The following BIRC6 variants were observed in gnomAD, a reference collection of about 807,000 sequenced individuals.
BIRC6 encodes baculoviral IAP repeat containing 6.
A neutral mutation model predicts 503.3 loss-of-function variants in BIRC6; 98 were observed. The ratio of observed to expected loss-of-function variants is 0.19; its 90% confidence interval spans 0.17 to 0.23. The LOEUF (loss-of-function observed/expected upper bound fraction) is 0.23. BIRC6 is among the 10% of genes least tolerant of loss of function. The probability of loss-of-function intolerance (pLI) is 1.00; values close to 1 mark genes in which losing one functional copy is unlikely to be tolerated. For missense variants in BIRC6, 5,360 were observed against 5,806.0 expected (o/e 0.92, Z 2.50); for synonymous variants, 2,240 against 2,078.7 (o/e 1.08, Z -2.11).
chr2:32,364,310 C>T (rs547421181), intron 1 of BIRC6, among the ~76,000 whole-genome samples: 2 of 152,164 alleles, frequency 1.3e-5, no homozygotes, highest in East Asian at 3.9e-4. Context: ...GGCTGGAGTG[C>T]AATGGCGCAG....
At chr2:32,558,875 C>T (rs1323835446) in intron 65 of BIRC6, 1 of 152,198 alleles carries the variant, frequency 6.6e-6, no homozygotes, top group Non-Finnish European at 1.5e-5. Flanking sequence ...TTGCTAGCCT[C>T]TGCAAGTAAG....
At chr2:32,489,442 A>G (rs1446988836) in intron 42 of BIRC6, among the ~76,000 whole-genome samples, 3 of 151,862 alleles carry the variant, frequency 2.0e-5, no homozygotes, top group East Asian at 3.9e-4. Context: ...TATTATTATA[A>G]TAAAATTTGT....
At position 32,439,706 on chromosome 2, in the gene BIRC6, A is replaced by G. The variant is rs752504921; in HGVS notation, c.3810+20A>G. 3 of 1,598,884 alleles carry G rather than the reference A, an allele frequency of 1.9e-6. No homozygotes were observed. Among genetic ancestry groups the G allele is most frequent in the Non-Finnish European group, 2.6e-6 (3 of 1,167,206 alleles). On this transcript the variant is annotated intron_variant, in intron 16 of 73. Transcript: ENST00000421745. ...GGCAAGGTATGAAACTGTCATTTTG[A>G]ACAATAACAATACAGTTTTAAACAT...
chr2:32,402,507 A>G (rs571221470), intron 8 of BIRC6, among the ~76,000 whole-genome samples: 1 of 152,354 alleles, frequency 6.6e-6, no homozygotes, highest in African/African-American at 2.4e-5. Flanking sequence ...CCTTTCATTA[A>G]GGAATAATGT....
At chr2:32,387,531 T>G (rs959684554) in intron 3 of BIRC6, among the ~76,000 whole-genome samples, 1 of 152,178 alleles carries the variant, frequency 6.6e-6, no homozygotes, top group Non-Finnish European at 1.5e-5. Flanking sequence ...CAGTAATTGT[T>G]GTAATATTAA....
chr2:32,372,703 G>A (rs965401711), intron 1 of BIRC6, among the ~76,000 whole-genome samples: 1 of 152,012 alleles, frequency 6.6e-6, no homozygotes, highest in East Asian at 1.9e-4. Context: ...CATGGTGTGC[G>A]CCTGTAGTCC....
At chr2:32,490,206 T>C in intron 43 of BIRC6, 55 bp downstream of exon 43, 1 of 1,395,348 alleles carries the variant, frequency 7.2e-7, no homozygotes, top group South Asian at 1.2e-5. Flanking sequence ...AGTGTTCTAC[T>C]ATTGGATTCT....
At chr2:32,379,606 G>C (rs946900433) in intron 2 of BIRC6, 1 of 152,082 alleles carries the variant, frequency 6.6e-6, no homozygotes, top group African/African-American at 2.4e-5. Flanking sequence ...TACTGCATCA[G>C]ATTAGTTTGT....
chr2:32,415,504 C>T lies in BIRC6; in HGVS notation c.2213C>T (p.Pro738Leu), dbSNP rs1574050792. The change falls in exon 10 of 74, where the codon CCT becomes CTT. Residue 738 changes from proline (P) to leucine (L), a missense_variant. By Grantham distance (98) the Pro-to-Leu change is moderately conservative. This residue lies in a region of BIRC6 where 700 missense variants were observed against 739.3 expected (regional missense o/e 0.95). Transcript: ENST00000421745. ...EENLCIDSITPCADGIHLLVG... is the reference protein window; with the variant it reads ...EENLCIDSITLCADGIHLLVG... ...AATCTTTGTATAGACTCAATAACTC[C>T]TTGTGCTGACGGAATTCATTTGTTG... is the stretch of plus-strand genomic sequence containing the variant. The T allele has an allele frequency of 1.2e-6, 2 of 1,614,044 alleles. No individual in the cohort carries two copies. The highest frequency in any genetic ancestry group is 1.7e-6 in the Non-Finnish European group (2 of 1,179,910).
chr2:32,472,065 A>G (rs1444164110), intron 32 of BIRC6, among the ~76,000 whole-genome samples: 1 of 152,238 alleles, frequency 6.6e-6, no homozygotes, highest in Non-Finnish European at 1.5e-5. Context: ...TAACATAAAT[A>G]AAACTACATT....
Position 32,487,565 on chromosome 2 carries a change from A to G in BIRC6, c.7814-82A>G, listed in dbSNP as rs186040357. 3.3e-6 allele frequency: 4 copies of G among 1,223,440 alleles called. No homozygotes were observed. The East Asian group carries it at 9.5e-5, about 29-fold the overall frequency. 75.8% of individuals were successfully genotyped at this position (1,223,440 alleles called of 1,614,324 possible). Reference sequence around the variant, plus strand: ...CAGTTTTAATTTTTAAAAACAATTTAACCTATTTATACATATGAATAACCA... The same window carrying G: ...CAGTTTTAATTTTTAAAAACAATTTGACCTATTTATACATATGAATAACCA... On this transcript the variant is annotated intron_variant, in intron 40 of 73. Transcript: ENST00000421745.
At chr2:32,452,889 A>T (rs2046868186) in intron 22 of BIRC6, among the ~76,000 whole-genome samples, 1 of 152,054 alleles carries the variant, frequency 6.6e-6, no homozygotes, top group Non-Finnish European at 1.5e-5. Context: ...TTTTTGGAGC[A>T]TGTGTCAGGC....
At position 32,433,794 on chromosome 2, in the gene BIRC6, G is replaced by A. The variant is rs2044388512; in HGVS notation, c.3399G>A (p.Gly1133=). ...TGAAAAATAAAGCTCCAGGATTAGG[G>A]AAAGTCAATGGTAAGAATGTATCAA... The part of the protein sequence containing the change: ...TLLKNKAPGL[G]KVNALNIEVE... The change falls in exon 13 of 74, where the codon GGG becomes GGA. Residue 1133 remains glycine, a synonymous_variant. Coordinates refer to ENST00000421745, the MANE Select transcript of BIRC6 (RefSeq NM_016252.4). The A allele has an allele frequency of 6.4e-7, 1 of 1,556,782 alleles. No individual in the cohort carries two copies. Among genetic ancestry groups the A allele is most frequent in the Non-Finnish European group, 8.8e-7 (1 of 1,138,476 alleles).
chr2:32,558,314 TATATACA>T (rs1430677772), intron 65 of BIRC6, among the ~76,000 whole-genome samples: 1 of 140,042 alleles, frequency 7.1e-6, no homozygotes, highest in Non-Finnish European at 1.6e-5. Flanking sequence ...AACTGCAATT[TATATACA>T]AAAAACTACA....
Position 32,469,611 on chromosome 2 carries a change from A to T in BIRC6, c.6344A>T (p.Asp2115Val). The change falls in exon 30 of 74, where the codon GAT (aspartate) becomes GTT (valine). Residue 2115 changes from aspartate to valine, a missense_variant. Physicochemically the swap from Asp to Val is radical, Grantham distance 152. This residue lies in a region of BIRC6 where 2,299 missense variants were observed against 2,267.2 expected (regional missense o/e 1.01). Coordinates refer to ENST00000421745, the MANE Select transcript of BIRC6 (RefSeq NM_016252.4). ...NSEQLLIFPQ[D>V]RVFMLLSCIG... ...GAACAGCTTCTCATCTTTCCACAGG[A>T]TAGGTAGGTCAGAAAATGTTGGAGG... is the stretch of plus-strand genomic sequence containing the variant. 1.2e-6 allele frequency: 2 copies of T among 1,605,872 alleles called. No individual in the cohort carries two copies. Among genetic ancestry groups the T allele is most frequent in the Non-Finnish European group, 1.7e-6 (2 of 1,175,114 alleles).
intron 73 of BIRC6, among the ~76,000 whole-genome samples, chr2:32,613,699 C>G (rs987897012): frequency 6.6e-6 from 1 of 152,162 alleles, no homozygotes; most frequent in Non-Finnish European, 1.5e-5. Context: ...CATTTCTAAC[C>G]CTCTGCGTCT....
intron 10 of BIRC6, among the ~76,000 whole-genome samples, chr2:32,420,353 G>T (rs954472318): frequency 1.3e-5 from 2 of 152,000 alleles, no homozygotes; most frequent in African/African-American, 4.8e-5. Flanking sequence ...ATTTTTTTTA[G>T]TGGGAAGATT....
At chr2:32,425,245 T>C (rs1313508520) in intron 10 of BIRC6, among the ~76,000 whole-genome samples, 1 of 152,130 alleles carries the variant, frequency 6.6e-6, no homozygotes, top group Non-Finnish European at 1.5e-5. Context: ...GCACAAAACA[T>C]TGGCATTTTG....
At position 32,463,314 on chromosome 2, in the gene BIRC6, C is replaced by T; in HGVS notation, c.4874C>T (p.Ala1625Val). The T allele has an allele frequency of 1.9e-6, 3 of 1,613,860 alleles. No individual in the cohort carries two copies. Among genetic ancestry groups the T allele is most frequent in the Admixed American group, 3.3e-5 (2 of 60,002 alleles). ...VALQSLSHAM[A>V]SAEQQLQVLQ... ...TTGCAGTCTCTCTCTCATGCAATGG[C>T]TTCAGCCGAGCAACAGCTACAGGTG... Residue 1625 changes from alanine (A) to valine (V), a missense_variant, in exon 24 of 74, where the codon GCT (alanine) becomes GTT (valine). Around this residue, in one of 16 missense-constraint regions of BIRC6, gnomAD observed 2,299 missense variants for 2,267.2 expected, o/e 1.01. Transcript: ENST00000421745.
Sources: gnomAD v4.1 joint callset for allele counts (sites outside exome capture counted in the v4.1 genomes callset) on GRCh38, gnomAD v4.1.1 for gene constraint, gnomAD v4.1.1 regional missense constraint, MANE v1.5 for transcripts, NCBI Gene and HGNC (gene_info 2026-07-23, HGNC 2026-07-21) for gene names.